PRKD1: variants seen among roughly 807,000 people sequenced by gnomAD.
PRKD1 encodes the protein serine/threonine-protein kinase D1.
In PRKD1, 63 loss-of-function variants were observed where a neutral mutation model predicts 95.9. The ratio of observed to expected loss-of-function variants is 0.66; its 90% CI spans 0.54 to 0.81. PRKD1 has a LOEUF of 0.81. Among genes scored for constraint, PRKD1 ranks in the 30% least tolerant of loss-of-function variants. PRKD1 has a pLI of 0.00. For synonymous variants in PRKD1, 425 were observed against 423.1 expected, an observed-to-expected ratio of 1.00 and a Z score of -0.05; for missense variants, 1,048 against 1,165.3, an observed-to-expected ratio of 0.90 and a Z score of 1.47.
rs45460991 is a variant in PRKD1, at chr14:29,636,459, T to G, written c.1021A>C (p.Met341Leu). The change falls in exon 7 of 18, where the codon ATG becomes CTG. Residue 341 changes from methionine (M) to leucine (L), a missense_variant. Coordinates refer to ENST00000331968, the MANE Select transcript of PRKD1 (RefSeq NM_002742.3). ...TCATTGTCATCACTCCCTTCTTCCA[T>G]GACCACATCAGACTCTGCCCCAGGG... is the stretch of plus-strand genomic sequence containing the variant. ...LSPGAESDVV[M>L]EEGSDDNDSE... 545 of 1,614,138 alleles carry G rather than the reference T, an allele frequency of 3.4e-4. 4 individuals are homozygous for G. The East Asian group carries it at 0.01, about 30-fold the overall frequency.
chr14:29,688,531 A>G (rs1352942257), intron 2 of PRKD1, among the ~76,000 whole-genome samples: 7 of 152,134 alleles, frequency 4.6e-5, no homozygotes, highest in Non-Finnish European at 1.5e-5. Context: ...CAGAACTACA[A>G]ACTAGTTATA....
chr14:29,902,436 G>A (rs1315648304), intron 1 of PRKD1, among the ~76,000 whole-genome samples: 3 of 152,136 alleles, frequency 2.0e-5, no homozygotes, highest in Non-Finnish European at 4.4e-5. Context: ...TAAAATGAAA[G>A]CAGCAAATTA....
chr14:29,861,296 A>G (rs1327637759), intron 1 of PRKD1, among the ~76,000 whole-genome samples: 2 of 152,208 alleles, frequency 1.3e-5, no homozygotes, highest in Admixed American at 1.3e-4. Flanking sequence ...CTCAAATACC[A>G]GATGCCCTGA....
At chr14:29,779,000 C>T (rs531106524) in intron 1 of PRKD1, among the ~76,000 whole-genome samples, 4 of 152,202 alleles carry the variant, frequency 2.6e-5, no homozygotes, top group East Asian at 1.9e-4. Flanking sequence ...AATCAATAAA[C>T]GTAATCCAGC....
At chr14:29,592,252 A>G (rs1893155915) in intron 16 of PRKD1, among the ~76,000 whole-genome samples, 1 of 151,334 alleles carries the variant, frequency 6.6e-6, no homozygotes, top group African/African-American at 2.4e-5. Context: ...AACATACAAC[A>G]CTGCCTTAGG....
intron 4 of PRKD1, among the ~76,000 whole-genome samples, chr14:29,651,765 C>A (rs1326760183): frequency 6.6e-6 from 1 of 151,084 alleles, no homozygotes; most frequent in Non-Finnish European, 1.5e-5. Flanking sequence ...ATTTTTGAGA[C>A]CGAGTTTTGT....
In PRKD1 at chr14:29,634,496, A is replaced by G; in HGVS notation, c.1236T>C (p.Ser412=). The G allele has an allele frequency of 6.2e-7, 1 of 1,614,090 alleles. No individual in the cohort carries two copies. The highest frequency in any genetic ancestry group is 8.5e-7 in the Non-Finnish European group (1 of 1,179,956). ...NNIPLMRVVQ[S]VKHTKRKSST... is the part of the protein sequence containing the mutation. Reference sequence around the variant, plus strand: ...TGCTTTTCCTCTTCGTGTGTTTGACAGACTGCACTACCCTCATGAGTGGGA... The same window carrying G: ...TGCTTTTCCTCTTCGTGTGTTTGACGGACTGCACTACCCTCATGAGTGGGA... The change falls in exon 8 of 18, where the codon TCT becomes TCC. Residue 412 remains serine, a synonymous_variant. Coordinates refer to ENST00000331968, the MANE Select transcript of PRKD1 (RefSeq NM_002742.3).
Position 29,577,214 on chromosome 14 carries a change from T to G in PRKD1, c.*24A>C, listed in dbSNP as rs748859991. The G allele has an allele frequency of 3.1e-6, 5 of 1,592,686 alleles. No individual in the cohort carries two copies. The South Asian group carries it at 4.4e-5, about 14-fold the overall frequency. ...ATGTATTTATTAGTTCCACAGTGTT[T>G]TGACAGATTATAGGAGATGGAACTC... On this transcript the variant is annotated 3_prime_UTR_variant, in exon 18 of 18. Coordinates refer to ENST00000331968, the MANE Select transcript of PRKD1 (RefSeq NM_002742.3).
intron 13 of PRKD1, among the ~76,000 whole-genome samples, chr14:29,616,379 G>T (rs987434634): frequency 1.3e-5 from 2 of 151,448 alleles, no homozygotes; most frequent in African/African-American, 4.9e-5. Flanking sequence ...GTGTGGGAGA[G>T]ATTTGACTAT....
At chr14:29,791,229 T>C (rs1383905970) in intron 1 of PRKD1, among the ~76,000 whole-genome samples, 1 of 152,102 alleles carries the variant, frequency 6.6e-6, no homozygotes, top group East Asian at 1.9e-4. Context: ...CCTCATCATT[T>C]TATCATTTCC....
intron 13 of PRKD1, among the ~76,000 whole-genome samples, chr14:29,613,097 C>CAA (rs66712219): frequency 1.2e-4 from 18 of 150,050 alleles, no homozygotes; most frequent in East Asian, 5.9e-4. Flanking sequence ...GACTCTGTCT[C>CAA]AAAAAAAAAA....
intron 1 of PRKD1, among the ~76,000 whole-genome samples, chr14:29,836,625 C>CCA (rs1208418564): frequency 2.0e-5 from 3 of 152,136 alleles, no homozygotes; most frequent in Admixed American, 6.5e-5. Context: ...AACTGCAGAA[C>CCA]CACAGTCTCA....
chr14:29,653,508 T>C (rs1881640877), intron 4 of PRKD1, among the ~76,000 whole-genome samples: 1 of 152,180 alleles, frequency 6.6e-6, no homozygotes, highest in Admixed American at 6.5e-5. Context: ...AATTATATCC[T>C]ATGGTCACAC....
At chr14:29,669,751 C>T (rs183997403) in intron 2 of PRKD1, among the ~76,000 whole-genome samples, 29 of 152,180 alleles carry the variant, frequency 1.9e-4, no homozygotes, top group East Asian at 3.9e-4. Flanking sequence ...ACCTGTAATC[C>T]GAGCTACTTA....
rs201537930 is a variant in PRKD1, at chr14:29,663,727, G to T, written c.668C>A (p.Ser223Tyr). The change falls in exon 4 of 18, where the codon TCT becomes TAT. Residue 223 changes from serine (S) to tyrosine (Y), a missense_variant. Ser to Tyr is a moderately radical substitution (Grantham distance 144). Coordinates refer to ENST00000331968, the MANE Select transcript of PRKD1 (RefSeq NM_002742.3). ...AAGGGGCTCATCAGGGGCACTTGTAGAGAGTTCAGCAGATGATGTGCGGAT... is the reference window on the plus strand; with the variant it reads ...AAGGGGCTCATCAGGGGCACTTGTATAGAGTTCAGCAGATGATGTGCGGAT... ...STIRTSSAEL[S>Y]TSAPDEPLLQ... The T allele has an allele frequency of 2.5e-5, 40 of 1,614,054 alleles. No homozygotes were observed. In the South Asian group the frequency reaches 4.0e-4, roughly 16 times the overall value.
chr14:29,685,744 G>GTGTGTA (rs386381011), intron 2 of PRKD1, among the ~76,000 whole-genome samples: 1 of 151,878 alleles, frequency 6.6e-6, no homozygotes, highest in African/African-American at 2.4e-5. Flanking sequence ...CTGTGTGTGT[G>GTGTGTA]TGTGTGTGTG....
chr14:29,860,942 A>G (rs1038193230), intron 1 of PRKD1, among the ~76,000 whole-genome samples: 1 of 152,206 alleles, frequency 6.6e-6, no homozygotes, highest in Non-Finnish European at 1.5e-5. Context: ...TTATGGGTTA[A>G]TTCCGTAATT....
chr14:29,891,843 CTA>C (rs1011168844), intron 1 of PRKD1, among the ~76,000 whole-genome samples: 7 of 152,104 alleles, frequency 4.6e-5, no homozygotes, highest in African/African-American at 1.7e-4. Flanking sequence ...ATGTAGCTAA[CTA>C]TTCCAAATAC....
At chr14:29,684,412 A>G (rs1343432979) in intron 2 of PRKD1, among the ~76,000 whole-genome samples, 1 of 152,174 alleles carries the variant, frequency 6.6e-6, no homozygotes, top group Admixed American at 6.5e-5. Flanking sequence ...GTCATGTCCT[A>G]TATTTTGTAC....
Sources: allele counts gnomAD v4.1 joint callset (sites outside exome capture counted in the v4.1 genomes callset), GRCh38; gene constraint gnomAD v4.1.1; transcripts MANE v1.5; gene names NCBI Gene and HGNC (gene_info 2026-07-23, HGNC 2026-07-21).